MMP13: variants seen among roughly 807,000 people sequenced by gnomAD.
The protein encoded by MMP13 is matrix metallopeptidase 13.
MMP13 carries 45 observed loss-of-function variants against 52.1 expected under a neutral mutation model. That is an observed-to-expected ratio of 0.86 (90% CI 0.68 to 1.11). MMP13 has a LOEUF of 1.11. Ranked by LOEUF, MMP13 falls within the 50% of genes least tolerant of loss-of-function variation. The pLI, the probability that MMP13 is intolerant of heterozygous loss-of-function variation, is 0.00. For synonymous variants in MMP13, 200 were observed against 204.4 expected (o/e 0.98, Z 0.18); for missense variants, 576 against 583.8 (o/e 0.99, Z 0.14).
In MMP13 at chr11:102,945,145, G is replaced by A. The variant is rs975459938; in HGVS notation, c.1315+501C>T. 5.3e-4 allele frequency: 201 copies of A among 376,766 alleles called. 1 individual carries two copies. The Admixed American group carries it at 5.7e-3, about 11-fold the overall frequency. The allele number at this position is 376,766 out of a possible 1,614,324, so 23.3% of individuals were successfully genotyped here. A position where few individuals can be genotyped will look rare whatever the true frequency, so the allele number is the denominator to read the frequency against. On this transcript the variant is annotated intron_variant, in intron 9 of 9. Transcript: ENST00000260302. ...TGTAATCCCAGCTACTCCAGAGGCT[G>A]AGGCAGGAGAATCTCTTGAACCCAG...
chr11:102,951,248 T>C (rs140112402), intron 5 of MMP13, among the ~76,000 whole-genome samples: 2 of 152,300 alleles, frequency 1.3e-5, no homozygotes, highest in East Asian at 1.9e-4. Context: ...CTGTGCCAGA[T>C]TGGACTGGTT....
At position 102,945,650 on chromosome 11, in the gene MMP13, T is replaced by C. The variant is rs868933776; in HGVS notation, c.1311A>G (p.Lys437=). The part of the protein sequence containing the change: ...IGDKVDAVYE[K]NGYIYFFNGP... ...CAGTGCAATGTAACTACTTACCATTTTTCTCATAGACAGCATCTACTTTAT... is the reference window on the plus strand; with the variant it reads ...CAGTGCAATGTAACTACTTACCATTCTTCTCATAGACAGCATCTACTTTAT... Residue 437 remains lysine, a synonymous_variant, in exon 9 of 10, where the codon AAA becomes AAG. Transcript: ENST00000260302. The C allele has an allele frequency of 6.3e-6, 10 of 1,576,926 alleles. No individual in the cohort carries two copies. The African/African-American group carries it at 9.4e-5, about 15-fold the overall frequency.
intron 8 of MMP13, among the ~76,000 whole-genome samples, chr11:102,946,687 A>G (rs1164590452): frequency 6.6e-6 from 1 of 152,192 alleles, no homozygotes; most frequent in Non-Finnish European, 1.5e-5. Flanking sequence ...GCTTAAGGGG[A>G]TATAAAAAAC....
rs927343043 is a variant in MMP13 at position 102,952,788 on chromosome 11, A to G, written c.638-615T>C. Among the ~76,000 whole-genome samples the G allele has an allele frequency of 1.3e-5, 2 of 152,150 alleles. No individual in the cohort carries two copies. The highest frequency in any genetic ancestry group is 2.9e-5 in the Non-Finnish European group (2 of 68,028). ...CTTTTCTCTACTCTAGAAGACTACT[A>G]TGTCACTGTATTTACATTGTTCCCT... On this transcript the variant is annotated intron_variant, in intron 4 of 9. Transcript: ENST00000260302. This position sits in a 1 kb window ranked among gnomAD's most constrained non-coding sequence, Gnocchi z 4.3.
At chr11:102,950,702 G>C (rs931456322) in intron 5 of MMP13, among the ~76,000 whole-genome samples, 3 of 152,242 alleles carry the variant, frequency 2.0e-5, no homozygotes, top group African/African-American at 7.2e-5. Flanking sequence ...CTGTATCTCA[G>C]CTGTGACAAA....
chr11:102,947,933 T>C lies in MMP13; in HGVS notation c.1169A>G (p.Asp390Gly), dbSNP rs17860568. The C allele has an allele frequency of 1.1e-3, 1,751 of 1,613,964 alleles. 30 individuals carry two copies. The African/African-American group carries it at 0.02, about 19-fold the overall frequency. Reference sequence around the variant, plus strand: ...TGAGAACAGGAGAGTCTTGCCTGTATCCTCAAAGTGAACAGCTGCACTTAT... The same window carrying C: ...TGAGAACAGGAGAGTCTTGCCTGTACCCTCAAAGTGAACAGCTGCACTTAT... ...KKISAAVHFE[D>G]TGKTLLFSGN... The change falls in exon 8 of 10, where the codon GAT becomes GGT. Residue 390 changes from aspartate to glycine, a missense_variant. Transcript: ENST00000260302.
At chr11:102,946,949 A>G (rs962047179) in intron 8 of MMP13, among the ~76,000 whole-genome samples, 1 of 152,146 alleles carries the variant, frequency 6.6e-6, no homozygotes, top group South Asian at 2.1e-4. Flanking sequence ...AACATTTAGA[A>G]TGTAGGGTAC....
chr11:102,951,849 G>A (rs1392495292), intron 5 of MMP13, among the ~76,000 whole-genome samples, 163 bp downstream of exon 5: 1 of 152,076 alleles, frequency 6.6e-6, no homozygotes, highest in Non-Finnish European at 1.5e-5. Flanking sequence ...TATAAGAAAG[G>A]TACATTAAAA....
chr11:102,945,849 AT>A, intron 8 of MMP13, 100 bp from the exon 9 acceptor site: 1 of 681,588 alleles, frequency 1.5e-6, no homozygotes, highest in Non-Finnish European at 2.5e-6. Context: ...ATTGACAAGA[AT>A]TTTAAAATTT....
At chr11:102,950,652 A>G (rs1399874909) in intron 5 of MMP13, among the ~76,000 whole-genome samples, 2 of 152,140 alleles carry the variant, frequency 1.3e-5, no homozygotes, top group Non-Finnish European at 2.9e-5. Context: ...CCAGCTGTCA[A>G]CATCAGCTAA....
At chr11:102,944,617 G>A (rs781846791) in intron 9 of MMP13, among the ~76,000 whole-genome samples, 11 of 151,330 alleles carry the variant, frequency 7.3e-5, no homozygotes, top group African/African-American at 2.2e-4. Flanking sequence ...ATTTTTGTGT[G>A]CGTATATGAG....
At chr11:102,950,756 T>C (rs1860598641) in intron 5 of MMP13, among the ~76,000 whole-genome samples, 1 of 152,152 alleles carries the variant, frequency 6.6e-6, no homozygotes, top group Admixed American at 6.6e-5. Context: ...GTTGGTAAAT[T>C]TCCAACCGTC....
chr11:102,948,886 C>T (rs886473923), intron 7 of MMP13, 139 bp downstream of exon 7: 48 of 1,173,626 alleles, frequency 4.1e-5, no homozygotes, highest in African/African-American at 6.1e-5. Context: ...CAGGTACTTT[C>T]TGGCTTCCAT....
chr11:102,950,502 GA>G (rs1860594510), intron 5 of MMP13, among the ~76,000 whole-genome samples: 1 of 151,858 alleles, frequency 6.6e-6, no homozygotes, highest in Admixed American at 6.6e-5. Flanking sequence ...AAAAGCAACA[GA>G]ATTTGAGAAA....
chr11:102,954,448 G>C lies in MMP13; in HGVS notation c.511+10C>G, dbSNP rs758096689. 2 of 1,611,606 alleles carry C rather than the reference G, an allele frequency of 1.2e-6. No individual in the cohort carries two copies. Among genetic ancestry groups the C allele is most frequent in the African/African-American group, 2.7e-5 (2 of 74,848 alleles). On this transcript the variant is annotated intron_variant, in intron 3 of 9. Transcript: ENST00000260302. ...ATAAAAATGTTTGTAAAATAAATGT[G>C]CATCATTACCCTTAATTCCAAAAGA...
chr11:102,949,144 A>G lies in MMP13; in HGVS notation c.932T>C (p.Leu311Pro). Residue 311 changes from leucine to proline, a missense_variant, in exon 7 of 10, where the codon CTG becomes CCG. Leu to Pro is a moderately conservative substitution (Grantham distance 98). Coordinates refer to ENST00000260302, the MANE Select transcript of MMP13 (RefSeq NM_002427.4). This position sits in a 1 kb window ranked among gnomAD's most constrained non-coding sequence, Gnocchi z 4.2. ...MIFKDRFFWR[L>P]HPQQVDAELF... ...CTCCGCATCAACCTGCTGAGGATGC[A>G]GGCGCCAGAAGAATCTAACACAAAA... 6.2e-7 allele frequency: 1 copy of G among 1,613,666 alleles called. No individual in the cohort carries two copies. The highest frequency in any genetic ancestry group is 8.5e-7 in the Non-Finnish European group (1 of 1,179,744).
rs1860544132 is a variant in MMP13 at position 102,948,039 on chromosome 11, A to C, written c.1063T>G (p.Trp355Gly). The C allele has an allele frequency of 6.2e-7, 1 of 1,613,470 alleles. No homozygotes were observed. Among genetic ancestry groups the C allele is most frequent in the Non-Finnish European group, 8.5e-7 (1 of 1,179,670 alleles). ...LIFIFRGRKF[W>G]ALNGYDILEG... ...AGAATGTCATAACCATTAAGAGCCC[A>C]AAATTTTCTACCTGGAATGAGTGAA... is the stretch of plus-strand genomic sequence containing the variant. The change falls in exon 8 of 10, where the codon TGG becomes GGG. Residue 355 changes from tryptophan to glycine, a missense_variant. By Grantham distance (184) the Trp-to-Gly change is radical. Transcript: ENST00000260302.
At chr11:102,947,225 A>G (rs11826068) in intron 8 of MMP13, among the ~76,000 whole-genome samples, 6,247 of 152,198 alleles carry the variant, frequency 0.041, 334 homozygotes, top group African/African-American at 0.12. Flanking sequence ...CGGAAGATGG[A>G]GCTACATGTA....
rs954799612 is a variant in MMP13 at position 102,947,880 on chromosome 11, T to A, written c.1211+11A>T. Reference sequence around the variant, plus strand: ...ATGACACAGATGGGTCAGTACCTACTGCTGCCATACCTCCAGACCTGGTTT... The same window carrying A: ...ATGACACAGATGGGTCAGTACCTACAGCTGCCATACCTCCAGACCTGGTTT... On this transcript the variant is annotated intron_variant, in intron 8 of 9. Transcript: ENST00000260302. 2 of 1,613,846 alleles carry A rather than the reference T, an allele frequency of 1.2e-6. No homozygotes were observed. The highest frequency in any genetic ancestry group is 1.7e-5 in the Admixed American group (1 of 59,996).
Sources: allele counts gnomAD v4.1 joint callset (sites outside exome capture counted in the v4.1 genomes callset), GRCh38; gene constraint gnomAD v4.1.1; non-coding constraint Gnocchi (gnomAD v3.1); transcripts MANE v1.5; gene names NCBI Gene and HGNC (gene_info 2026-07-23, HGNC 2026-07-21).